STRA8: variants seen among roughly 807,000 people sequenced by gnomAD.
The protein encoded by STRA8 is stimulated by retinoic acid gene 8 protein homolog.
A neutral mutation model predicts 37.1 loss-of-function variants in STRA8; 18 were observed. That is an observed-to-expected ratio of 0.48 (90% confidence interval 0.34 to 0.72). STRA8 has a LOEUF of 0.72. STRA8 is among the 30% of genes least tolerant of loss of function. The pLI is 0.01. For missense variants in STRA8, 357 were observed against 410.4 expected (o/e 0.87, Z 1.13); for synonymous variants, 168 against 162.9 (o/e 1.03, Z -0.24).
At chr7:135,252,832 G>A (rs1832654812) in intron 7 of STRA8, among the ~76,000 whole-genome samples, 1 of 152,186 alleles carries the variant, frequency 6.6e-6, no homozygotes, top group Non-Finnish European at 1.5e-5. Flanking sequence ...TACGACCAAG[G>A]TGCCAGCAGA....
chr7:135,237,943 C>G (rs1381380905), intron 1 of STRA8, among the ~76,000 whole-genome samples: 1 of 152,088 alleles, frequency 6.6e-6, no homozygotes, highest in South Asian at 2.1e-4. Context: ...AAAGATCTAC[C>G]TAAGACCCTG....
chr7:135,237,513 C>A (rs1372450167), intron 1 of STRA8, among the ~76,000 whole-genome samples: 1 of 152,212 alleles, frequency 6.6e-6, no homozygotes, highest in Non-Finnish European at 1.5e-5. Context: ...TAGACAGTAA[C>A]TTCTGAGGCA....
intron 6 of STRA8, 23 bp from the exon 7 acceptor site, chr7:135,251,773 T>TA: frequency 5.0e-6 from 8 of 1,613,274 alleles, no homozygotes; most frequent in Non-Finnish European, 6.8e-6. Context: ...TTCCAACACA[T>TA]GAAGTGTTGT....
At chr7:135,232,194 C>T (rs947369734), upstream of STRA8, among the ~76,000 whole-genome samples, 1 of 151,846 alleles carries the variant, frequency 6.6e-6, no homozygotes, top group Admixed American at 6.6e-5. Context: ...TCTGTGTCAT[C>T]TTGGTGCGAG....
chr7:135,239,670 G>A (rs1832431477), intron 1 of STRA8, among the ~76,000 whole-genome samples: 2 of 152,110 alleles, frequency 1.3e-5, no homozygotes, highest in African/African-American at 4.8e-5. Context: ...AAAGGCCCTG[G>A]CCCCTGTATC....
chr7:135,232,500 T>C (rs929893744), upstream of STRA8, among the ~76,000 whole-genome samples: 1 of 151,884 alleles, frequency 6.6e-6, no homozygotes, highest in Admixed American at 6.6e-5. Flanking sequence ...AAAATTAGCA[T>C]GGTGTGGTGG....
intron 4 of STRA8, among the ~76,000 whole-genome samples, chr7:135,243,816 C>T (rs1832505775): frequency 1.3e-5 from 2 of 152,168 alleles, no homozygotes; most frequent in Non-Finnish European, 2.9e-5. Context: ...TTTAAAGCCA[C>T]AACTAATGTC....
chr7:135,249,774 T>A (rs1360590911), intron 6 of STRA8, among the ~76,000 whole-genome samples: 2 of 152,224 alleles, frequency 1.3e-5, no homozygotes, highest in African/African-American at 4.8e-5. Context: ...GCACGAACAC[T>A]TCCCCAGGAA....
In STRA8 at chr7:135,258,504, A is replaced by C. The variant is rs1185884098; in HGVS notation, c.*12A>C. ...ATGAAGATTTGTAATGCAGAAGAGG[A>C]GCTGCGAGGGGAGGGACTGAATGAG... On this transcript the variant is annotated 3_prime_UTR_variant, in exon 9 of 9. Transcript: ENST00000662584. The C allele has an allele frequency of 6.3e-7, 1 of 1,581,854 alleles. No individual in the cohort carries two copies. The highest frequency in any genetic ancestry group is 8.6e-7 in the Non-Finnish European group (1 of 1,162,126).
At chr7:135,255,422 G>A (rs183251423) in intron 8 of STRA8, among the ~76,000 whole-genome samples, 197 bp downstream of exon 8, 8 of 152,350 alleles carry the variant, frequency 5.3e-5, no homozygotes, top group Non-Finnish European at 1.2e-4. Context: ...ATGAATGGAA[G>A]ATAGCCAGGG....
chr7:135,246,420 T>C lies in STRA8; in HGVS notation c.597T>C (p.Tyr199=). The change falls in exon 6 of 9, where the codon TAT becomes TAC. Residue 199 remains tyrosine (Y), a synonymous_variant. Transcript: ENST00000662584. This position sits in a 1 kb window ranked among gnomAD's most constrained non-coding sequence, Gnocchi z 5.4. ...LSPDLMEFER[Y]LNFYKQTMDL... ...GACGGCGCCGCTTCTGTTCCAGGTA[T>C]CTCAACTTTTACAAACAGACGATGG... 1.2e-6 allele frequency: 2 copies of C among 1,601,298 alleles called. No homozygotes were observed. The highest frequency in any genetic ancestry group is 1.7e-6 in the Non-Finnish European group (2 of 1,173,228).
At chr7:135,252,610 C>T (rs553027553) in intron 7 of STRA8, among the ~76,000 whole-genome samples, 2 of 152,182 alleles carry the variant, frequency 1.3e-5, no homozygotes, top group African/African-American at 2.4e-5. Flanking sequence ...TCCATCCTGG[C>T]GCAGGGCTGG....
In STRA8 at chr7:135,246,583, C is replaced by G; in HGVS notation, c.760C>G (p.Arg254Gly). ...SLRQAWAQKH[R>G]GPATLAEACR... ...CCGGCAGGCCTGGGCGCAGAAGCACCGCGGCCCTGCGACCCTGGCGGAGGC... is the reference window on the plus strand; with the variant it reads ...CCGGCAGGCCTGGGCGCAGAAGCACGGCGGCCCTGCGACCCTGGCGGAGGC... Residue 254 changes from arginine to glycine, a missense_variant, in exon 6 of 9, where the codon CGC (arginine) becomes GGC (glycine). By Grantham distance (125) the Arg-to-Gly change is moderately radical. Coordinates refer to ENST00000662584, the MANE Select transcript of STRA8 (RefSeq NM_001394401.1). This position sits in a 1 kb window ranked among gnomAD's most constrained non-coding sequence, Gnocchi z 5.4. The G allele has an allele frequency of 1.3e-6, 2 of 1,543,268 alleles. No individual in the cohort carries two copies. The highest frequency in any genetic ancestry group is 1.7e-6 in the Non-Finnish European group (2 of 1,146,808).
chr7:135,243,422 C>T lies in STRA8; in HGVS notation c.353+12C>T, dbSNP rs113698617. ...TCTGGAAATGACAGGTAAGACACCA[C>T]AAACCCCAGGAAGCTGGGGACCTGC... On this transcript the variant is annotated intron_variant, in intron 4 of 8. Transcript: ENST00000662584. 247 of 1,613,426 alleles carry T rather than the reference C, an allele frequency of 1.5e-4. No homozygotes were observed. In the African/African-American group the frequency reaches 2.8e-3, roughly 18 times the overall value.
At chr7:135,245,602 G>T (rs141577576) in intron 5 of STRA8, among the ~76,000 whole-genome samples, 75 bp downstream of exon 5, 2 of 152,192 alleles carry the variant, frequency 1.3e-5, no homozygotes, top group Admixed American at 6.5e-5. Flanking sequence ...AGAGGCTCTG[G>T]CTGGGGTATG....
chr7:135,246,806 G>A lies in STRA8; in HGVS notation c.879+104G>A, dbSNP rs1427251803. 1 of 1,216,594 alleles carries A rather than the reference G, an allele frequency of 8.2e-7. No homozygotes were observed. The highest frequency in any genetic ancestry group is 1.1e-6 in the Non-Finnish European group (1 of 912,212). The allele number at this position is 1,216,594 out of a possible 1,614,324, so 75.4% of individuals were successfully genotyped here. ...ATTTAGCAGGTTGGAGGTGCAGTTT[G>A]CCTTCTGGCTCCCAAGGTCGGTTTC... On this transcript the variant is annotated intron_variant, in intron 6 of 8. Coordinates refer to ENST00000662584, the MANE Select transcript of STRA8 (RefSeq NM_001394401.1). This position sits in a 1 kb window ranked among gnomAD's most constrained non-coding sequence, Gnocchi z 5.4.
At chr7:135,251,991 G>GAGAA (rs1832641812) in intron 7 of STRA8, 122 bp downstream of exon 7, 2 of 819,736 alleles carry the variant, frequency 2.4e-6, no homozygotes, top group Non-Finnish European at 4.1e-6. Context: ...GACAGAGAGA[G>GAGAA]GAGACAGAGG....
At chr7:135,256,859 T>C (rs532000188) in intron 8 of STRA8, among the ~76,000 whole-genome samples, 98 of 152,248 alleles carry the variant, frequency 6.4e-4, no homozygotes, top group African/African-American at 2.2e-3. Context: ...ACTCCTAGAT[T>C]CCCGATGCCT....
At chr7:135,233,502 G>A (rs1397549898), upstream of STRA8, among the ~76,000 whole-genome samples, 4 of 152,160 alleles carry the variant, frequency 2.6e-5, no homozygotes, top group Admixed American at 2.0e-4. Context: ...AGTGCCAGGT[G>A]AGTGGAACCA....
Sources: allele counts gnomAD v4.1 joint callset (sites outside exome capture counted in the v4.1 genomes callset), GRCh38; gene constraint gnomAD v4.1.1; non-coding constraint Gnocchi (gnomAD v3.1); transcripts MANE v1.5; gene names NCBI Gene and HGNC (gene_info 2026-07-23, HGNC 2026-07-21).